COL23A1: variants seen among roughly 807,000 people sequenced by gnomAD.
The protein encoded by COL23A1 is collagen type XXIII alpha 1 chain, also known as collagen alpha-1(XXIII) chain.
In COL23A1, 97 loss-of-function variants were observed where a neutral mutation model predicts 99.3. The observed-to-expected ratio is 0.98, with a 90% CI of 0.83 to 1.16. The LOEUF (loss-of-function observed/expected upper bound fraction) is 1.16, where lower values mean the gene tolerates loss of function less well. Ranked by LOEUF, COL23A1 falls within the 50% of genes most tolerant of loss-of-function variation. The probability of loss-of-function intolerance (pLI) is 0.00; values close to 1 mark genes in which losing one functional copy is unlikely to be tolerated. For missense variants in COL23A1, 762 were observed against 757.4 expected (o/e 1.01, Z -0.07); for synonymous variants, 320 against 308.2 (o/e 1.04, Z -0.40).
chr5:178,408,648 C>CA (rs1290349294), intron 2 of COL23A1, among the ~76,000 whole-genome samples: 2 of 151,894 alleles, frequency 1.3e-5, no homozygotes, highest in Admixed American at 6.6e-5. Context: ...CCCCAAAAAA[C>CA]AAAAAACTAA....
intron 3 of COL23A1, among the ~76,000 whole-genome samples, chr5:178,301,547 G>C (rs1477173124): frequency 1.3e-5 from 2 of 152,180 alleles, no homozygotes; most frequent in Non-Finnish European, 2.9e-5. Context: ...GGCTACTCTG[G>C]AAATCAGATC....
intron 1 of COL23A1, among the ~76,000 whole-genome samples, chr5:178,585,752 T>TGGCGCTGG (rs1562115800): frequency 1.8e-4 from 1 of 5,498 alleles, no homozygotes; most frequent in Non-Finnish European, 7.9e-4. Context: ...CTGACCCTGT[T>TGGCGCTGG]GGTTGCTCCC....
chr5:178,369,730 T>C (rs143511434), intron 2 of COL23A1, among the ~76,000 whole-genome samples: 4,104 of 138,340 alleles, frequency 0.03, 105 homozygotes, highest in Non-Finnish European at 0.04. Context: ...CCTTGCCTTC[T>C]GCCATGATTG....
intron 2 of COL23A1, among the ~76,000 whole-genome samples, chr5:178,502,758 C>T (rs1415476305): frequency 6.6e-6 from 1 of 152,232 alleles, no homozygotes; most frequent in African/African-American, 2.4e-5. Context: ...CACTTCTGGG[C>T]ATGAACCCTA....
intron 2 of COL23A1, among the ~76,000 whole-genome samples, chr5:178,441,268 C>A (rs1295803974): frequency 1.3e-5 from 2 of 152,308 alleles, no homozygotes; most frequent in East Asian, 3.9e-4. Flanking sequence ...AGACTGGCAG[C>A]AAAGCTCTGC....
chr5:178,339,042 G>A (rs573815728), intron 2 of COL23A1, among the ~76,000 whole-genome samples: 1 of 152,296 alleles, frequency 6.6e-6, no homozygotes, highest in African/African-American at 2.4e-5. Flanking sequence ...AGCCTCCAGA[G>A]GAGTGCTCAT....
intron 2 of COL23A1, among the ~76,000 whole-genome samples, chr5:178,533,380 CCTT>C (rs1372271264): frequency 1.3e-5 from 2 of 152,216 alleles, no homozygotes; most frequent in South Asian, 2.1e-4. Flanking sequence ...TGACTCCACT[CCTT>C]CTCCAGGACT....
chr5:178,267,142 G>A (rs1755945767), intron 8 of COL23A1, among the ~76,000 whole-genome samples, 165 bp downstream of exon 8: 1 of 152,218 alleles, frequency 6.6e-6, no homozygotes, highest in Non-Finnish European at 1.5e-5. Context: ...CCACAACCCA[G>A]GTCCCTGGGG....
chr5:178,417,867 A>G (rs2127790716), intron 2 of COL23A1, among the ~76,000 whole-genome samples: 1 of 152,376 alleles, frequency 6.6e-6, no homozygotes. Flanking sequence ...TTGGGCCCAA[A>G]GAAAATTGCA....
At position 178,309,034 on chromosome 5, in the gene COL23A1, G is replaced by A. The variant is rs1758521312; in HGVS notation, c.362-2115C>T. Among the ~76,000 whole-genome samples, 2 of 152,228 alleles carry A rather than the reference G, an allele frequency of 1.3e-5. No homozygotes were observed. The highest frequency in any genetic ancestry group is 4.1e-4 in the South Asian group (2 of 4,830). ...AGGCCCCGGGCCCCAGGCAGAGTGA[G>A]GGGGCATGGCAGGAAAGGGGCCAGG... On this transcript the variant is annotated intron_variant, in intron 2 of 28. Coordinates refer to ENST00000390654, the MANE Select transcript of COL23A1 (RefSeq NM_173465.4). This position sits in a 1 kb window ranked among gnomAD's most constrained non-coding sequence, Gnocchi z 4.7.
In COL23A1 at chr5:178,475,580, C is replaced by G. The variant is rs148059308; in HGVS notation, c.361+85102G>C. 5.9e-5 allele frequency among the ~76,000 whole-genome samples: 9 copies of G among 152,302 alleles called. No individual in the cohort carries two copies. In the East Asian group the frequency reaches 1.5e-3, roughly 26 times the overall value. Reference sequence around the variant, plus strand: ...AATGTATGCGATTACCCAATAGTGGCCTTGCCTGTTGTGTTAGTTTTCGGT... The same window carrying G: ...AATGTATGCGATTACCCAATAGTGGGCTTGCCTGTTGTGTTAGTTTTCGGT... On this transcript the variant is annotated intron_variant, in intron 2 of 28. Coordinates refer to ENST00000390654, the MANE Select transcript of COL23A1 (RefSeq NM_173465.4).
At chr5:178,445,514 G>A (rs1561978644) in intron 2 of COL23A1, among the ~76,000 whole-genome samples, 2 of 151,996 alleles carry the variant, frequency 1.3e-5, no homozygotes, top group Admixed American at 6.6e-5. Context: ...GTCCCATTAC[G>A]ATTCTGATGG....
chr5:178,388,351 C>T (rs62389386), intron 2 of COL23A1, among the ~76,000 whole-genome samples: 14,120 of 152,252 alleles, frequency 0.093, 889 homozygotes, highest in Non-Finnish European at 0.13. Context: ...TCCCTCTTCT[C>T]AAAGGTGAAG....
rs531439569 is a variant in COL23A1, at chr5:178,543,851, T to C, written c.361+16831A>G. On this transcript the variant is annotated intron_variant, in intron 2 of 28. Coordinates refer to ENST00000390654, the MANE Select transcript of COL23A1 (RefSeq NM_173465.4). ...CTGGGTGGCCTACAAACAAGGACAA[T>C]GTATTGCTCACAGTTCTGGAGGCTG... Among the ~76,000 whole-genome samples the C allele has an allele frequency of 8.5e-5, 13 of 152,164 alleles. 1 individual carries two copies. The South Asian group carries it at 2.5e-3, about 29-fold the overall frequency.
chr5:178,436,145 G>C (rs1375268103), intron 2 of COL23A1, among the ~76,000 whole-genome samples: 2 of 152,198 alleles, frequency 1.3e-5, no homozygotes, highest in Non-Finnish European at 2.9e-5. Context: ...AGGTCAACAT[G>C]AGCAAAATGG....
At chr5:178,446,764 T>C (rs1255297499) in intron 2 of COL23A1, among the ~76,000 whole-genome samples, 5 of 152,136 alleles carry the variant, frequency 3.3e-5, no homozygotes, top group African/African-American at 7.2e-5. Flanking sequence ...GAAACAGTTA[T>C]GCACATGAAA....
intron 4 of COL23A1, chr5:178,288,576 G>C: frequency 1.6e-6 from 1 of 621,376 alleles, no homozygotes; most frequent in Non-Finnish European, 2.9e-6. Context: ...GGCTTCATCG[G>C]GGCTCCGGGC....
intron 1 of COL23A1, among the ~76,000 whole-genome samples, chr5:178,563,630 C>A (rs912344906): frequency 2.0e-5 from 3 of 149,448 alleles, no homozygotes; most frequent in Admixed American, 6.7e-5. Context: ...CTCTCAGGCT[C>A]AAGCAATCCT....
At position 178,280,231 on chromosome 5, in the gene COL23A1, G is replaced by C. The variant is rs1375768346; in HGVS notation, c.441+8093C>G. Among the ~76,000 whole-genome samples the C allele has an allele frequency of 6.6e-6, 1 of 152,246 alleles. No individual in the cohort carries two copies. The highest frequency in any genetic ancestry group is 1.5e-5 in the Non-Finnish European group (1 of 68,036). ...CCTCGGGCCACAGCCTGGGCGATCAGCCAGGACGCTGGCCATTGAGGATGC... is the reference window on the plus strand; with the variant it reads ...CCTCGGGCCACAGCCTGGGCGATCACCCAGGACGCTGGCCATTGAGGATGC... On this transcript the variant is annotated intron_variant, in intron 5 of 28. Transcript: ENST00000390654. This position sits in a 1 kb window ranked among gnomAD's most constrained non-coding sequence, Gnocchi z 4.9.
Sources: gnomAD v4.1 joint callset for allele counts (sites outside exome capture counted in the v4.1 genomes callset) on GRCh38, gnomAD v4.1.1 for gene constraint, Gnocchi (gnomAD v3.1) non-coding constraint, MANE v1.5 for transcripts, NCBI Gene and HGNC (gene_info 2026-07-23, HGNC 2026-07-21) for gene names.